The following TMEM114 variants were observed in gnomAD, a reference collection of about 807,000 sequenced individuals.
The protein encoded by TMEM114 is transmembrane protein 114, also known as claudin-26.
A neutral mutation model predicts 6.2 loss-of-function variants in TMEM114; 6 were observed. The ratio of observed to expected loss-of-function variants is 0.97; its 90% CI spans 0.53 to 1.91. The LOEUF is 1.91. Among genes scored for constraint, TMEM114 ranks in the 40% most tolerant of loss-of-function variants. TMEM114 has a pLI of 0.01. For synonymous variants in TMEM114, 104 were observed against 73.0 expected (o/e 1.42, Z -2.16); for missense variants, 218 against 158.3 (o/e 1.38, Z -2.02).
chr16:8,575,744 A>T (rs1001738958), intron 2 of TMEM114, among the ~76,000 whole-genome samples: 6 of 152,240 alleles, frequency 3.9e-5, no homozygotes, highest in Admixed American at 1.3e-4. Context: ...CAAACTTCTT[A>T]AAATGGTGCT....
chr16:8,542,927 G>A (rs539463620), intron 2 of TMEM114, among the ~76,000 whole-genome samples: 4 of 152,066 alleles, frequency 2.6e-5, no homozygotes, highest in Admixed American at 6.6e-5. Flanking sequence ...ACAAACTGCC[G>A]CTTATCATCT....
At chr16:8,555,414 A>T (rs975177029) in intron 2 of TMEM114, among the ~76,000 whole-genome samples, 3 of 152,190 alleles carry the variant, frequency 2.0e-5, no homozygotes, top group Non-Finnish European at 4.4e-5. Context: ...ACTTTTAATG[A>T]TATACTAATT....
At chr16:8,557,314 A>T (rs185751501) in intron 2 of TMEM114, among the ~76,000 whole-genome samples, 61 of 152,176 alleles carry the variant, frequency 4.0e-4, no homozygotes, top group East Asian at 3.7e-3. Flanking sequence ...CTGCCATATA[A>T]GCCTCCCAAA....
chr16:8,538,600 T>C (rs914516982), intron 2 of TMEM114, among the ~76,000 whole-genome samples: 1 of 152,026 alleles, frequency 6.6e-6, no homozygotes, highest in African/African-American at 2.4e-5. Context: ...CTCCACATCT[T>C]GGGTCCACGC....
At chr16:8,579,010 GC>G (rs1902040860) in intron 2 of TMEM114, among the ~76,000 whole-genome samples, 1 of 152,062 alleles carries the variant, frequency 6.6e-6, no homozygotes, top group African/African-American at 2.4e-5. Flanking sequence ...ATATTGGCAG[GC>G]CATTGTTTCA....
chr16:8,538,183 T>C (rs1002329903), intron 2 of TMEM114, among the ~76,000 whole-genome samples: 1 of 148,610 alleles, frequency 6.7e-6, no homozygotes, highest in African/African-American at 2.5e-5. Context: ...TGCCTGCTTG[T>C]AGTCCCAGCT....
At chr16:8,557,529 A>G (rs942648112) in intron 2 of TMEM114, among the ~76,000 whole-genome samples, 1 of 152,242 alleles carries the variant, frequency 6.6e-6, no homozygotes, top group African/African-American at 2.4e-5. Flanking sequence ...CAACTCTCAG[A>G]GACCACAAGC....
At chr16:8,556,847 G>A (rs1432312372) in intron 2 of TMEM114, among the ~76,000 whole-genome samples, 1 of 152,162 alleles carries the variant, frequency 6.6e-6, no homozygotes, top group Non-Finnish European at 1.5e-5. Context: ...TATGTCATGT[G>A]TATTTTATCA....
chr16:8,580,649 C>T (rs1036108519), intron 2 of TMEM114, among the ~76,000 whole-genome samples: 1 of 152,092 alleles, frequency 6.6e-6, no homozygotes. Flanking sequence ...TCTATATATT[C>T]ACATATTCCT....
chr16:8,562,157 T>C (rs1484071221), intron 2 of TMEM114, among the ~76,000 whole-genome samples: 1 of 150,884 alleles, frequency 6.6e-6, no homozygotes, highest in Non-Finnish European at 1.5e-5. Context: ...AGTGAATAAG[T>C]GAGTTAGTGA....
chr16:8,560,045 G>C (rs1901148511), intron 2 of TMEM114, among the ~76,000 whole-genome samples: 1 of 152,162 alleles, frequency 6.6e-6, no homozygotes, highest in Non-Finnish European at 1.5e-5. Context: ...TACCCAGGCT[G>C]GAGTGCAGTG....
chr16:8,537,868 A>G (rs561080929), intron 2 of TMEM114: 4 of 152,234 alleles, frequency 2.6e-5, no homozygotes, highest in African/African-American at 9.6e-5. Flanking sequence ...ACTGATATGA[A>G]CCACCTCCAA....
At position 8,549,487 on chromosome 16, in the gene TMEM114, C is replaced by G. The variant is rs146782414; in HGVS notation, n.213-11661G>C. ...TTCACTCAAGCCTGGGCAACAAGAGCAAAACTCCGTCTCGAAAAAAAAAAA... is the reference window on the plus strand; with the variant it reads ...TTCACTCAAGCCTGGGCAACAAGAGGAAAACTCCGTCTCGAAAAAAAAAAA... On this transcript the variant is annotated intron_variant and non_coding_transcript_variant, in intron 2 of 2. Transcript: ENST00000623677. 1.0e-3 allele frequency among the ~76,000 whole-genome samples: 116 copies of G among 113,330 alleles called. 2 individuals carry two copies. The East Asian group carries it at 0.028, about 28-fold the overall frequency. The allele number at this position is 113,330 out of a possible 152,430, so 74.3% of individuals were successfully genotyped here. A position where few individuals can be genotyped will look rare whatever the true frequency, so the allele number is the denominator to read the frequency against.
At chr16:8,564,680 AAT>A (rs1901462088), downstream of TMEM114, among the ~76,000 whole-genome samples, 1 of 17,112 alleles carries the variant, frequency 5.8e-5, no homozygotes, top group South Asian at 1.6e-3. Flanking sequence ...GGAATGAGTG[AAT>A]GAGTGAGTGA....
chr16:8,532,395 T>G, the TMEM114 span, among the ~76,000 whole-genome samples: 1 of 152,068 alleles, frequency 6.6e-6, no homozygotes, highest in Non-Finnish European at 1.5e-5. Flanking sequence ...CTTTCAACAC[T>G]AAAACTTCTA....
intron 2 of TMEM114, among the ~76,000 whole-genome samples, chr16:8,553,249 A>G (rs1900901950): frequency 6.6e-6 from 1 of 152,210 alleles, no homozygotes; most frequent in South Asian, 2.1e-4. Context: ...CTGTGATTTA[A>G]TGGGCATTCT....
At chr16:8,568,536 G>A (rs564618797), downstream of TMEM114, among the ~76,000 whole-genome samples, 116 of 152,304 alleles carry the variant, frequency 7.6e-4, no homozygotes, top group African/African-American at 2.6e-3. Flanking sequence ...TACTCAGTGG[G>A]TGTCAGCTAT....
chr16:8,575,487 G>A (rs1157731022), intron 2 of TMEM114, among the ~76,000 whole-genome samples: 2 of 152,148 alleles, frequency 1.3e-5, no homozygotes, highest in Admixed American at 1.3e-4. Flanking sequence ...GGTGTCTACA[G>A]GGACCAGGCA....
At position 8,569,789 on chromosome 16, in the gene TMEM114, T is replaced by G. The variant is rs373584493; in HGVS notation, c.656A>C (p.Gln219Pro). 3.2e-6 allele frequency: 5 copies of G among 1,550,372 alleles called. No homozygotes were observed. Among genetic ancestry groups the G allele is most frequent in the Middle Eastern group, 1.7e-4 (1 of 6,014 alleles). ...AARELSLRRRQDQAI is the reference protein window; with the variant it reads ...AARELSLRRRPDQAI Reference sequence around the variant, plus strand: ...CGCCCAGGCTCATATGGCCTGGTCCTGCCTCCGTCTCAGGCTGAGCTCGCG... The same window carrying G: ...CGCCCAGGCTCATATGGCCTGGTCCGGCCTCCGTCTCAGGCTGAGCTCGCG... Residue 219 changes from glutamine (Q) to proline (P), a missense_variant, in exon 4 of 4, where the codon CAG (glutamine) becomes CCG (proline). Coordinates refer to ENST00000620492, the MANE Select transcript of TMEM114 (RefSeq NM_001146336.2).
Sources: allele counts gnomAD v4.1 joint callset (sites outside exome capture counted in the v4.1 genomes callset), GRCh38; gene constraint gnomAD v4.1.1; transcripts MANE v1.5; gene names NCBI Gene and HGNC (gene_info 2026-07-23, HGNC 2026-07-21).